Variants in SGCZ observed in about 807,000 individuals in gnomAD.
SGCZ encodes the protein zeta-sarcoglycan.
A neutral mutation model predicts 41.3 loss-of-function variants in SGCZ; 40 were observed. The ratio of observed to expected loss-of-function variants is 0.97; its 90% CI spans 0.75 to 1.26. The LOEUF (loss-of-function observed/expected upper bound fraction) is 1.26. Among genes scored for constraint, SGCZ ranks in the 50% most tolerant of loss-of-function variants. The pLI, the probability that SGCZ is intolerant of heterozygous loss-of-function variation, is 0.00. For missense variants in SGCZ, 552 were observed against 369.8 expected (o/e 1.49, Z -4.04); for synonymous variants, 206 against 137.5 (o/e 1.50, Z -3.49).
At position 15,177,629 on chromosome 8, in the gene SGCZ, G is replaced by A. The variant is rs73533486; in HGVS notation, c.39+59956C>T. ...AAAAAGGAACTGATGGAACAGTAAG[G>A]TCAATATTCAAAGCAAGATAAAGAT... On this transcript the variant is annotated intron_variant, in intron 1 of 7. Coordinates refer to ENST00000382080, the MANE Select transcript of SGCZ (RefSeq NM_139167.4). Among the ~76,000 whole-genome samples the A allele has an allele frequency of 4.2e-3, 641 of 152,226 alleles. 1 individual carries two copies. The highest frequency in any genetic ancestry group is 0.014 in the African/African-American group (576 of 41,530).
intron 2 of SGCZ, among the ~76,000 whole-genome samples, chr8:14,367,053 T>G (rs1171758382): frequency 1.3e-5 from 2 of 152,114 alleles, no homozygotes; most frequent in Non-Finnish European, 2.9e-5. Flanking sequence ...TTTCCAAACT[T>G]TAATGCTCTG....
intron 4 of SGCZ, among the ~76,000 whole-genome samples, chr8:14,224,996 T>A (rs951909461): frequency 3.3e-5 from 5 of 152,168 alleles, no homozygotes; most frequent in Admixed American, 3.3e-4. Flanking sequence ...GAACTTCTGT[T>A]TGACACTAAA....
At chr8:14,272,284 G>T (rs913405924) in intron 3 of SGCZ, among the ~76,000 whole-genome samples, 1 of 152,200 alleles carries the variant, frequency 6.6e-6, no homozygotes, top group African/African-American at 2.4e-5. Flanking sequence ...GATTACAGGC[G>T]TAAGCCACTG....
intron 3 of SGCZ, among the ~76,000 whole-genome samples, chr8:14,285,011 T>A (rs1800574374): frequency 6.6e-6 from 1 of 152,132 alleles, no homozygotes; most frequent in South Asian, 2.1e-4. Flanking sequence ...TCCATCAAAT[T>A]TTCCCTCTTT....
At chr8:15,129,705 T>C (rs1194671360) in intron 1 of SGCZ, among the ~76,000 whole-genome samples, 5 of 14,770 alleles carry the variant, frequency 3.4e-4, no homozygotes. Context: ...GAGAAGCATT[T>C]GCAAAAAAAA....
intron 1 of SGCZ, among the ~76,000 whole-genome samples, chr8:14,775,795 T>G (rs936466493): frequency 1.3e-5 from 2 of 152,198 alleles, no homozygotes; most frequent in African/African-American, 4.8e-5. Context: ...TTATTGAGTT[T>G]TATTTGGATT....
chr8:14,352,670 G>A (rs1028075694), intron 2 of SGCZ, among the ~76,000 whole-genome samples: 1 of 152,010 alleles, frequency 6.6e-6, no homozygotes, highest in South Asian at 2.1e-4. Context: ...AATGGATCAA[G>A]CTTTAAAACC....
intron 1 of SGCZ, among the ~76,000 whole-genome samples, chr8:14,987,250 G>A (rs890314591): frequency 4.0e-5 from 6 of 151,814 alleles, no homozygotes; most frequent in African/African-American, 1.2e-4. Flanking sequence ...CTGTATAAAA[G>A]TAGAGATACT....
chr8:14,481,895 T>C (rs1218740534), intron 2 of SGCZ, among the ~76,000 whole-genome samples: 1 of 152,164 alleles, frequency 6.6e-6, no homozygotes, highest in Non-Finnish European at 1.5e-5. Context: ...TCCTAAGGAC[T>C]GGTTTTCCGC....
intron 2 of SGCZ, among the ~76,000 whole-genome samples, chr8:14,387,267 GC>G (rs1804608593): frequency 6.6e-6 from 1 of 152,114 alleles, no homozygotes; most frequent in African/African-American, 2.4e-5. Flanking sequence ...GCCCAGACTG[GC>G]CTCGAACTCT....
At chr8:14,377,751 T>C (rs1285818642) in intron 2 of SGCZ, among the ~76,000 whole-genome samples, 2 of 150,538 alleles carry the variant, frequency 1.3e-5, no homozygotes, top group Non-Finnish European at 3.0e-5. Context: ...CATTGTTCAA[T>C]TCCCACCTAT....
chr8:14,469,940 G>A (rs1801167173), intron 2 of SGCZ, among the ~76,000 whole-genome samples: 2 of 152,222 alleles, frequency 1.3e-5, no homozygotes, highest in South Asian at 4.1e-4. Context: ...ACCAGTAAAT[G>A]TGTTTATCTG....
intron 1 of SGCZ, among the ~76,000 whole-genome samples, chr8:15,114,265 T>C (rs112263638): frequency 7.3e-4 from 111 of 152,294 alleles, no homozygotes; most frequent in African/African-American, 2.6e-3. Flanking sequence ...CCTTGTATAT[T>C]TGAGTTCCTG....
chr8:15,105,782 G>T (rs1451640731), intron 1 of SGCZ, among the ~76,000 whole-genome samples: 2 of 152,118 alleles, frequency 1.3e-5, no homozygotes, highest in Non-Finnish European at 2.9e-5. Flanking sequence ...CATATATATA[G>T]CAAATCTTAC....
At chr8:15,200,085 A>C (rs7832338) in intron 1 of SGCZ, among the ~76,000 whole-genome samples, 4,735 of 152,308 alleles carry the variant, frequency 0.031, 277 homozygotes, top group African/African-American at 0.11. Context: ...CTTTAACCAA[A>C]AGGGCCAACA....
intron 3 of SGCZ, among the ~76,000 whole-genome samples, chr8:14,297,891 A>ATG (rs1563242729): frequency 6.6e-6 from 1 of 151,630 alleles, no homozygotes; most frequent in African/African-American, 2.4e-5. Context: ...CACTCATTTT[A>ATG]GGAGGGAGAA....
At chr8:14,397,295 T>C (rs1016549394) in intron 2 of SGCZ, among the ~76,000 whole-genome samples, 3 of 152,144 alleles carry the variant, frequency 2.0e-5, no homozygotes, top group Admixed American at 6.6e-5. Context: ...GTATTTCTGA[T>C]GTAAAAACAA....
At chr8:14,964,900 G>T (rs866538304) in intron 1 of SGCZ, among the ~76,000 whole-genome samples, 67 of 152,206 alleles carry the variant, frequency 4.4e-4, no homozygotes, top group African/African-American at 1.6e-3. Context: ...ACATCATTTA[G>T]CATCTTTTGA....
intron 1 of SGCZ, among the ~76,000 whole-genome samples, chr8:15,035,692 C>T (rs114827593): frequency 2.6e-3 from 400 of 152,068 alleles, no homozygotes; most frequent in African/African-American, 9.3e-3. Flanking sequence ...AGGTTAGCTA[C>T]GCTTCAGTAA....
Sources: gnomAD v4.1 joint callset for allele counts (sites outside exome capture counted in the v4.1 genomes callset) on GRCh38, gnomAD v4.1.1 for gene constraint, MANE v1.5 for transcripts, NCBI Gene and HGNC (gene_info 2026-07-23, HGNC 2026-07-21) for gene names.